SLIT1: variants seen among roughly 807,000 people sequenced by gnomAD.
SLIT1 encodes the protein slit homolog 1 protein.
A neutral mutation model predicts 186.1 loss-of-function variants in SLIT1; 66 were observed. The observed-to-expected ratio is 0.35, with a 90% CI of 0.29 to 0.44. SLIT1 has a LOEUF of 0.44. Ranked by LOEUF, SLIT1 falls within the 20% of genes least tolerant of loss-of-function variation. The pLI, the probability that SLIT1 is intolerant of heterozygous loss-of-function variation, is 1.00. For missense variants in SLIT1, 1,638 were observed against 2,037.4 expected (o/e 0.80, Z 3.77); for synonymous variants, 761 against 833.8 (o/e 0.91, Z 1.50).
chr10:97,057,727 T>C, intron 11 of SLIT1: 1 of 447,950 alleles, frequency 2.2e-6, no homozygotes, highest in Non-Finnish European at 4.0e-6. Flanking sequence ...CAGTGTGAGA[T>C]CCGGATGGTG....
chr10:97,088,228 GATCTCTAACCCT>G (rs201264064), intron 4 of SLIT1, among the ~76,000 whole-genome samples: 1,945 of 152,282 alleles, frequency 0.013, 41 homozygotes, highest in African/African-American at 0.044. Context: ...CTACACGTAT[GATCTCTAACCCT>G]ATCTTCTCTG....
chr10:97,056,242 C>A, intron 13 of SLIT1, 79 bp downstream of exon 13: 1 of 1,509,820 alleles, frequency 6.6e-7, no homozygotes, highest in South Asian at 1.2e-5. Flanking sequence ...AGCCGGAGAG[C>A]TGCCTGTCCC....
intron 4 of SLIT1, among the ~76,000 whole-genome samples, chr10:97,075,488 A>G (rs767586854): frequency 2.0e-5 from 3 of 152,326 alleles, no homozygotes; most frequent in East Asian, 3.9e-4. Context: ...GACCTCTGGC[A>G]GGACCACAGT....
intron 1 of SLIT1, among the ~76,000 whole-genome samples, chr10:97,171,067 AG>A (rs1343915724): frequency 6.6e-6 from 1 of 152,204 alleles, no homozygotes; most frequent in East Asian, 1.9e-4. Context: ...AAATAAAAAA[AG>A]AAAAAAGAAA....
At chr10:97,074,888 T>C (rs1564668393) in intron 4 of SLIT1, among the ~76,000 whole-genome samples, 1 of 152,176 alleles carries the variant, frequency 6.6e-6, no homozygotes, top group Non-Finnish European at 1.5e-5. Context: ...CAAGACCCCA[T>C]GTTCTGGCTG....
chr10:97,032,568 C>A (rs1848600980), intron 23 of SLIT1, among the ~76,000 whole-genome samples: 1 of 142,784 alleles, frequency 7.0e-6, no homozygotes, highest in Non-Finnish European at 1.6e-5. Context: ...GACTCCCCAT[C>A]TCAAAAAAAA....
intron 2 of SLIT1, among the ~76,000 whole-genome samples, chr10:97,164,566 G>A (rs905006046): frequency 6.6e-6 from 1 of 152,164 alleles, no homozygotes; most frequent in Non-Finnish European, 1.5e-5. Flanking sequence ...CTGCAGAGGT[G>A]GGAGTTCTGA....
At position 97,043,340 on chromosome 10, in the gene SLIT1, C is replaced by T. The variant is rs766163330; in HGVS notation, c.1997+30G>A. ...GGTTGGGACGGTTGCTCCAGAGCCC[C>T]CGCCCGCCTGTCCTGGAGGCCGGAC... On this transcript the variant is annotated intron_variant, in intron 19 of 36. Coordinates refer to ENST00000266058, the MANE Select transcript of SLIT1 (RefSeq NM_003061.3). The surrounding 1 kb of genome is among the most constrained non-coding windows in gnomAD (Gnocchi z 7.0). The T allele has an allele frequency of 3.1e-6, 5 of 1,612,308 alleles. No individual in the cohort carries two copies. The highest frequency in any genetic ancestry group is 2.2e-5 in the East Asian group (1 of 44,882).
intron 4 of SLIT1, among the ~76,000 whole-genome samples, chr10:97,094,575 T>G (rs1369147850): frequency 6.6e-6 from 1 of 152,206 alleles, no homozygotes; most frequent in South Asian, 2.1e-4. Context: ...CCCTAAAAAA[T>G]GATACAATGT....
chr10:97,018,845 AT>A, intron 27 of SLIT1, 137 bp downstream of exon 27: 2 of 650,742 alleles, frequency 3.1e-6, no homozygotes, highest in Non-Finnish European at 5.5e-6. Flanking sequence ...TCATTCATTC[AT>A]TCATTCATAT....
Position 97,019,070 on chromosome 10 carries a change from G to A in SLIT1, c.2784C>T (p.Leu928=), listed in dbSNP as rs376951730. Residue 928 remains leucine (L), a synonymous_variant, in exon 27 of 37, where the codon CTC becomes CTT. Transcript: ENST00000266058. ...PTLAVQAKCD[L]CLSSPCQNQG... is the part of the protein sequence containing the mutation. ...GGTTCTGGCACGGACTGGACAAGCAGAGATCACACTTGGCCTGGACAGCCA... is the reference window on the plus strand; with the variant it reads ...GGTTCTGGCACGGACTGGACAAGCAAAGATCACACTTGGCCTGGACAGCCA... 4.6e-5 allele frequency: 75 copies of A among 1,613,854 alleles called. No homozygotes were observed. The highest frequency in any genetic ancestry group is 6.2e-5 in the Non-Finnish European group (73 of 1,179,950).
chr10:97,041,473 A>ATT (rs57619741), intron 20 of SLIT1, among the ~76,000 whole-genome samples: 47 of 138,440 alleles, frequency 3.4e-4, no homozygotes, highest in African/African-American at 8.9e-4. Context: ...CAAATCGTTA[A>ATT]TTTTTTTTTT....
intron 4 of SLIT1, among the ~76,000 whole-genome samples, chr10:97,097,826 A>ACACAATCTGTGGGCAGCCATC (rs1849307477): frequency 6.6e-6 from 1 of 152,144 alleles, no homozygotes; most frequent in South Asian, 2.1e-4. Flanking sequence ...CCCCAGCCAT[A>ACACAATCTGTGGGCAGCCATC]CACAATCTGT....
chr10:97,066,386 G>T (rs61260657), intron 4 of SLIT1, among the ~76,000 whole-genome samples: 1 of 152,124 alleles, frequency 6.6e-6, no homozygotes, highest in Admixed American at 6.5e-5. Context: ...GGGCAGCTAC[G>T]ATCAGCCCTG....
chr10:97,167,291 A>T (rs1178269104), intron 1 of SLIT1, among the ~76,000 whole-genome samples: 1 of 152,148 alleles, frequency 6.6e-6, no homozygotes, highest in Non-Finnish European at 1.5e-5. Context: ...CTCCCTCTGC[A>T]CCCCGGCCTT....
Position 97,146,443 on chromosome 10 carries a change from C to CATGCT in SLIT1, c.413+11370_413+11374dup, listed in dbSNP as rs1849818300. ...GCCCGTCTCTACCCACTGAAAGGAC[C>CATGCT]ATGCTTCCTCTTGGATCCCCTTCTC... On this transcript the variant is annotated intron_variant, in intron 4 of 36. Transcript: ENST00000266058. Among the ~76,000 whole-genome samples the CATGCT allele has an allele frequency of 2.0e-5, 3 of 152,136 alleles. No individual in the cohort carries two copies. In the South Asian group the frequency reaches 6.2e-4, roughly 32 times the overall value.
At chr10:97,088,837 C>A (rs1054034066) in intron 4 of SLIT1, among the ~76,000 whole-genome samples, 5 of 152,186 alleles carry the variant, frequency 3.3e-5, no homozygotes, top group Admixed American at 2.0e-4. Context: ...GTCTGCCACA[C>A]CTTTTGGTGA....
intron 4 of SLIT1, among the ~76,000 whole-genome samples, chr10:97,071,935 A>G (rs1322527454): frequency 1.3e-5 from 2 of 152,212 alleles, no homozygotes; most frequent in African/African-American, 4.8e-5. Context: ...ATGCATTTCT[A>G]TAAGGACTCA....
At chr10:97,072,618 CCACAGCCGGAA>C (rs895001163) in intron 4 of SLIT1, among the ~76,000 whole-genome samples, 6 of 152,326 alleles carry the variant, frequency 3.9e-5, no homozygotes, top group African/African-American at 1.4e-4. Flanking sequence ...GCCAGTCAGC[CCACAGCCGGAA>C]CCAGCCCTCA....
Sources: gnomAD v4.1 joint callset for allele counts (sites outside exome capture counted in the v4.1 genomes callset) on GRCh38, gnomAD v4.1.1 for gene constraint, Gnocchi (gnomAD v3.1) non-coding constraint, MANE v1.5 for transcripts, NCBI Gene and HGNC (gene_info 2026-07-23, HGNC 2026-07-21) for gene names.